CLEC16A: variants seen among roughly 807,000 people sequenced by gnomAD.
CLEC16A encodes the protein protein CLEC16A.
In CLEC16A, 51 loss-of-function variants were observed where a neutral mutation model predicts 109.5. The ratio of observed to expected loss-of-function variants is 0.47; its 90% CI spans 0.37 to 0.59. The LOEUF is 0.59. CLEC16A is among the 20% of genes least tolerant of loss of function. CLEC16A has a pLI of 0.00. For missense variants in CLEC16A, 1,339 were observed against 1,394.0 expected, an observed-to-expected ratio of 0.96 and a Z score of 0.63; for synonymous variants, 673 against 564.2, an observed-to-expected ratio of 1.19 and a Z score of -2.73.
chr16:11,145,493 C>T (rs1293992868), intron 22 of CLEC16A, among the ~76,000 whole-genome samples: 1 of 152,280 alleles, frequency 6.6e-6, no homozygotes, highest in Non-Finnish European at 1.5e-5. Context: ...AAGGACCTCT[C>T]ACCACCACAC....
At chr16:11,039,665 T>C (rs2152847296) in intron 13 of CLEC16A, 89 bp from the exon 14 acceptor site, 5 of 1,404,668 alleles carry the variant, frequency 3.6e-6, no homozygotes, top group Admixed American at 3.0e-5. Context: ...GTGGCTGAAG[T>C]TGAGGAAACC....
At chr16:11,114,728 T>C (rs1336727832) in intron 19 of CLEC16A, among the ~76,000 whole-genome samples, 1 of 152,078 alleles carries the variant, frequency 6.6e-6, no homozygotes, top group Admixed American at 6.6e-5. Context: ...AGCCGAGGAC[T>C]GGGGCAGGGT....
intron 13 of CLEC16A, among the ~76,000 whole-genome samples, chr16:11,037,711 G>A (rs773880963): frequency 2.8e-4 from 43 of 152,232 alleles, no homozygotes; most frequent in South Asian, 8.3e-4. Flanking sequence ...TCTCTGAAGC[G>A]GAGTGACTGC....
intron 19 of CLEC16A, among the ~76,000 whole-genome samples, chr16:11,095,544 G>A (rs866484302): frequency 6.6e-6 from 1 of 152,210 alleles, no homozygotes. Flanking sequence ...GGGCACGATG[G>A]CTCACGCCTG....
At chr16:11,148,808 A>T (rs2054176292) in intron 22 of CLEC16A, among the ~76,000 whole-genome samples, 1 of 152,174 alleles carries the variant, frequency 6.6e-6, no homozygotes, top group Non-Finnish European at 1.5e-5. Context: ...GAGCACAGCG[A>T]TGCACCAGAA....
intron 19 of CLEC16A, among the ~76,000 whole-genome samples, chr16:11,097,499 C>A (rs892494188): frequency 6.6e-6 from 1 of 152,170 alleles, no homozygotes; most frequent in Non-Finnish European, 1.5e-5. Context: ...TCCTTCCCTG[C>A]CCTATTATTT....
At position 11,039,830 on chromosome 16, in the gene CLEC16A, G is replaced by A. The variant is rs756478264; in HGVS notation, c.1614G>A (p.Pro538=). The part of the protein sequence containing the change: ...NAAEKTTYNH[P]LAERLIRIMN... ...CCGAGAAGACCACCTACAACCACCC[G>A]CTAGCTGAAAGACTCATCAGGATCA... Residue 538 remains proline (P), a synonymous_variant, in exon 14 of 24, where the codon CCG becomes CCA. Transcript: ENST00000409790. 12 of 1,612,178 alleles carry A rather than the reference G, an allele frequency of 7.4e-6. No homozygotes were observed. The South Asian group carries it at 1.1e-4, about 15-fold the overall frequency.
chr16:11,018,593 C>G (rs1304727963), intron 11 of CLEC16A, among the ~76,000 whole-genome samples: 2 of 151,960 alleles, frequency 1.3e-5, no homozygotes, highest in African/African-American at 4.8e-5. Context: ...AATAAAAATA[C>G]AAAAGATTAG....
At chr16:11,166,105 C>A (rs1394949070) in intron 22 of CLEC16A, among the ~76,000 whole-genome samples, 1 of 152,254 alleles carries the variant, frequency 6.6e-6, no homozygotes, top group East Asian at 1.9e-4. Context: ...TGGCACGCTG[C>A]TGAGCCAGTA....
At chr16:11,112,707 G>A (rs1030481323) in intron 19 of CLEC16A, among the ~76,000 whole-genome samples, 10 of 152,042 alleles carry the variant, frequency 6.6e-5, no homozygotes, top group Admixed American at 2.6e-4. Flanking sequence ...ATGACATGCA[G>A]CAAATTTTCT....
chr16:10,954,402 C>G lies in CLEC16A; in HGVS notation c.81-3380C>G, dbSNP rs961427546. On this transcript the variant is annotated intron_variant, in intron 1 of 23. Coordinates refer to ENST00000409790, the MANE Select transcript of CLEC16A (RefSeq NM_015226.3). The surrounding 1 kb of genome is among the most constrained non-coding windows in gnomAD (Gnocchi z 4.2). Reference sequence around the variant, plus strand: ...TGCCCTCTCTGCCTATAAGGGCCTTCTGGTAGTTACTAGGTCTTTTTCCCC... The same window carrying G: ...TGCCCTCTCTGCCTATAAGGGCCTTGTGGTAGTTACTAGGTCTTTTTCCCC... 7.2e-5 allele frequency among the ~76,000 whole-genome samples: 11 copies of G among 152,170 alleles called. No homozygotes were observed. The highest frequency in any genetic ancestry group is 5.2e-4 in the Admixed American group (8 of 15,278).
At chr16:11,138,002 T>C (rs1046367085) in intron 22 of CLEC16A, among the ~76,000 whole-genome samples, 2 of 152,180 alleles carry the variant, frequency 1.3e-5, no homozygotes, top group African/African-American at 4.8e-5. Context: ...ATGCTGCTGA[T>C]GGCCTCTTCA....
chr16:11,168,755 G>T (rs1345165541), intron 23 of CLEC16A, among the ~76,000 whole-genome samples: 1 of 152,246 alleles, frequency 6.6e-6, no homozygotes, highest in African/African-American at 2.4e-5. Flanking sequence ...CTAACCAGAT[G>T]GCTCCAACAT....
At chr16:11,076,815 A>G (rs915189469) in intron 19 of CLEC16A, among the ~76,000 whole-genome samples, 1 of 152,036 alleles carries the variant, frequency 6.6e-6, no homozygotes, top group Non-Finnish European at 1.5e-5. Context: ...GACCAGGTCC[A>G]CCCTGCCCTC....
intron 23 of CLEC16A, among the ~76,000 whole-genome samples, chr16:11,167,754 C>T (rs1466020800): frequency 6.6e-6 from 1 of 152,226 alleles, no homozygotes; most frequent in Non-Finnish European, 1.5e-5. Flanking sequence ...TCGGCACCTG[C>T]TCCAGGGCAT....
At chr16:11,081,303 C>T (rs1444238798) in intron 19 of CLEC16A, among the ~76,000 whole-genome samples, 8 of 152,176 alleles carry the variant, frequency 5.3e-5, no homozygotes, top group East Asian at 1.9e-4. Context: ...TAAAATTCTT[C>T]CCTCAGCCCC....
intron 19 of CLEC16A, among the ~76,000 whole-genome samples, chr16:11,081,888 C>T (rs2049739525): frequency 6.6e-6 from 1 of 151,946 alleles, no homozygotes; most frequent in South Asian, 2.1e-4. Context: ...CAAAAGTAGC[C>T]AGGTGTGGTG....
At chr16:11,098,514 G>C (rs555848196) in intron 19 of CLEC16A, among the ~76,000 whole-genome samples, 87 of 152,326 alleles carry the variant, frequency 5.7e-4, no homozygotes, top group African/African-American at 2.1e-3. Flanking sequence ...AGAGCTGAGC[G>C]TGAGGGCGTT....
intron 1 of CLEC16A, among the ~76,000 whole-genome samples, 152 bp downstream of exon 1, chr16:10,944,949 G>A (rs1016000056): frequency 1.3e-5 from 2 of 152,228 alleles, no homozygotes; most frequent in African/African-American, 2.4e-5. Flanking sequence ...TCGGGAGTCA[G>A]GGCGCCTGGG....
Sources: gnomAD v4.1 joint callset for allele counts (sites outside exome capture counted in the v4.1 genomes callset) on GRCh38, gnomAD v4.1.1 for gene constraint, Gnocchi (gnomAD v3.1) non-coding constraint, MANE v1.5 for transcripts, NCBI Gene and HGNC (gene_info 2026-07-23, HGNC 2026-07-21) for gene names.